The following PACRG variants were observed in gnomAD, a reference collection of about 807,000 sequenced individuals.
PACRG encodes parkin coregulated.
A neutral mutation model predicts 29.7 loss-of-function variants in PACRG; 29 were observed. That is an observed-to-expected ratio of 0.98 (90% CI 0.73 to 1.33). The LOEUF (loss-of-function observed/expected upper bound fraction) is 1.33. Ranked by LOEUF, PACRG falls within the 40% of genes most tolerant of loss-of-function variation. The probability of loss-of-function intolerance (pLI) is 0.00; values close to 1 mark genes in which losing one functional copy is unlikely to be tolerated. For missense variants in PACRG, 279 were observed against 316.2 expected (o/e 0.88, Z 0.89); for synonymous variants, 116 against 118.7 (o/e 0.98, Z 0.15).
At chr6:163,133,009 A>G (rs566126) in intron 4 of PACRG, among the ~76,000 whole-genome samples, 68,751 of 152,114 alleles carry the variant, frequency 0.45, 17,835 homozygotes, top group African/African-American at 0.73. Flanking sequence ...GCTAGACTAT[A>G]CCAAAGTAAC....
At chr6:163,223,201 T>C (rs1007574403) in intron 4 of PACRG, among the ~76,000 whole-genome samples, 20 of 151,938 alleles carry the variant, frequency 1.3e-4, no homozygotes, top group African/African-American at 4.4e-4. Context: ...CAAGACCAGC[T>C]TGGCCAATGT....
intron 2 of PACRG, among the ~76,000 whole-genome samples, chr6:162,923,339 A>G (rs1797201691): frequency 6.6e-6 from 1 of 151,616 alleles, no homozygotes; most frequent in Admixed American, 6.5e-5. Context: ...TCTTCACTCT[A>G]TTGACTGCCT....
chr6:162,791,968 T>C (rs1784987713), intron 1 of PACRG, among the ~76,000 whole-genome samples: 1 of 152,112 alleles, frequency 6.6e-6, no homozygotes, highest in Non-Finnish European at 1.5e-5. Flanking sequence ...AAGTCCCCTT[T>C]ATGTTATTTC....
At chr6:163,240,036 C>T (rs1477921036) in intron 4 of PACRG, among the ~76,000 whole-genome samples, 1 of 148,606 alleles carries the variant, frequency 6.7e-6, no homozygotes, top group Non-Finnish European at 1.5e-5. Context: ...ACCCTCACCC[C>T]TACTTCTACA....
chr6:162,993,059 G>A (rs1293754206), intron 2 of PACRG, among the ~76,000 whole-genome samples: 2 of 141,860 alleles, frequency 1.4e-5, no homozygotes, highest in Non-Finnish European at 3.1e-5. Flanking sequence ...CTTTGAGTGA[G>A]ATTCTTAATC....
chr6:162,812,583 G>A (rs528995673), intron 1 of PACRG, among the ~76,000 whole-genome samples: 9 of 150,212 alleles, frequency 6.0e-5, no homozygotes, highest in East Asian at 1.9e-4. Flanking sequence ...ATAACTTTTT[G>A]GCAACATAAA....
At position 163,015,720 on chromosome 6, in the gene PACRG, A is replaced by C. The variant is rs543874970; in HGVS notation, c.292-46430A>C. The stretch of plus-strand genomic sequence containing the variant: ...TTGTATCCTGAAACTCTGCTGAAAT[A>C]GTTTATCAGTTCCAGGAGCTTTTTG... On this transcript the variant is annotated intron_variant, in intron 2 of 4. Coordinates refer to ENST00000366888, the MANE Select transcript of PACRG (RefSeq NM_001080379.2). 4.6e-5 allele frequency among the ~76,000 whole-genome samples: 7 copies of C among 152,228 alleles called. No individual in the cohort carries two copies. In the South Asian group the frequency reaches 1.2e-3, roughly 27 times the overall value.
intron 2 of PACRG, among the ~76,000 whole-genome samples, chr6:163,059,848 G>T (rs1396614565): frequency 6.6e-6 from 1 of 152,078 alleles, no homozygotes; most frequent in African/African-American, 2.4e-5. Context: ...TGCTGTTGTT[G>T]ATATTAGTAT....
chr6:162,911,390 A>T (rs1171118570), intron 2 of PACRG, among the ~76,000 whole-genome samples: 1 of 152,198 alleles, frequency 6.6e-6, no homozygotes, highest in Non-Finnish European at 1.5e-5. Flanking sequence ...TGGATTTTCT[A>T]CCTCCTATTA....
chr6:163,162,787 A>AAGAGCTGGCC (rs1778613192), intron 4 of PACRG, among the ~76,000 whole-genome samples: 1 of 152,236 alleles, frequency 6.6e-6, no homozygotes, highest in South Asian at 2.1e-4. Context: ...CAGAGCTGGC[A>AAGAGCTGGCC]AGAGCTGGCC....
At chr6:162,956,395 GC>G (rs1438192035) in intron 2 of PACRG, among the ~76,000 whole-genome samples, 2 of 152,166 alleles carry the variant, frequency 1.3e-5, no homozygotes, top group Non-Finnish European at 2.9e-5. Context: ...ACGATCAGCA[GC>G]TTTGCCCCGC....
At chr6:162,763,210 A>G (rs1462521078) in intron 1 of PACRG, among the ~76,000 whole-genome samples, 1 of 152,192 alleles carries the variant, frequency 6.6e-6, no homozygotes, top group Non-Finnish European at 1.5e-5. Context: ...TAAAATGATT[A>G]TGGCTTGCAG....
intron 1 of PACRG, among the ~76,000 whole-genome samples, chr6:162,758,234 T>A (rs1456267199): frequency 6.6e-6 from 1 of 152,196 alleles, no homozygotes; most frequent in East Asian, 1.9e-4. Context: ...TATTACCTTT[T>A]TTAAAATGAA....
intron 3 of PACRG, among the ~76,000 whole-genome samples, chr6:163,085,554 G>A (rs1457582272): frequency 6.6e-6 from 1 of 152,174 alleles, no homozygotes; most frequent in African/African-American, 2.4e-5. Flanking sequence ...TCCAGTCAGG[G>A]TATCTTTCTA....
chr6:162,923,718 G>A (rs570765929), intron 2 of PACRG, among the ~76,000 whole-genome samples: 9 of 152,124 alleles, frequency 5.9e-5, no homozygotes, highest in African/African-American at 2.2e-4. Context: ...ATTTGTTTAT[G>A]TGTCTGTTTT....
intron 1 of PACRG, among the ~76,000 whole-genome samples, chr6:162,783,460 G>T (rs1392818433): frequency 1.3e-5 from 2 of 151,712 alleles, no homozygotes; most frequent in African/African-American, 4.8e-5. Flanking sequence ...ATATGCTACT[G>T]GCAAAATGAA....
rs187576628 is a variant in PACRG, at chr6:162,909,351, C to T, written c.291+95070C>T. On this transcript the variant is annotated intron_variant, in intron 2 of 4. Transcript: ENST00000366888. ...TGGGCGAATCAAGAGGTCAGGAGAT[C>T]GAGACCATCCTGGCTAACACGGTGA... 1.2e-4 allele frequency among the ~76,000 whole-genome samples: 18 copies of T among 151,818 alleles called. No individual in the cohort carries two copies. The East Asian group carries it at 2.9e-3, about 25-fold the overall frequency.
intron 2 of PACRG, among the ~76,000 whole-genome samples, chr6:162,893,064 A>C (rs895189535): frequency 6.6e-5 from 10 of 151,890 alleles, no homozygotes; most frequent in African/African-American, 2.4e-4. Context: ...CTCGGCCCAC[A>C]CCCCTCTACC....
chr6:162,789,144 G>T (rs539132898), intron 1 of PACRG, among the ~76,000 whole-genome samples: 3 of 152,174 alleles, frequency 2.0e-5, no homozygotes, highest in African/African-American at 7.2e-5. Context: ...TAAAACTAAA[G>T]ATATGTCAAT....
Sources: allele counts gnomAD v4.1 joint callset (sites outside exome capture counted in the v4.1 genomes callset), GRCh38; gene constraint gnomAD v4.1.1; transcripts MANE v1.5; gene names NCBI Gene and HGNC (gene_info 2026-07-23, HGNC 2026-07-21).